The following RELN variants were observed in gnomAD, a reference collection of about 807,000 sequenced individuals.
RELN encodes the protein reelin.
Under a neutral mutation model 427.6 loss-of-function variants are expected in RELN, and 108 were observed. The ratio of observed to expected loss-of-function variants is 0.25; its 90% CI spans 0.22 to 0.30. RELN has a LOEUF of 0.30. RELN is among the 10% of genes least tolerant of loss of function. The pLI is 1.00. For missense variants in RELN, 3,715 were observed against 4,302.8 expected, an observed-to-expected ratio of 0.86 and a Z score of 3.82; for synonymous variants, 1,524 against 1,513.4, an observed-to-expected ratio of 1.01 and a Z score of -0.16.
At chr7:103,755,640 A>G in intron 4 of RELN, among the ~76,000 whole-genome samples, 2 of 146,634 alleles carry the variant, frequency 1.4e-5, no homozygotes, top group East Asian at 4.0e-4. Context: ...AATAAATAAA[A>G]TAAAATAATT....
At chr7:103,888,244 A>AAAT (rs1554437523) in intron 2 of RELN, among the ~76,000 whole-genome samples, 159 of 116,732 alleles carry the variant, frequency 1.4e-3, no homozygotes, top group African/African-American at 3.9e-3. Flanking sequence ...AAGAAAAAAA[A>AAAT]ATATATATAT....
chr7:103,607,691 A>T (rs1468475080), intron 22 of RELN, among the ~76,000 whole-genome samples: 1 of 152,222 alleles, frequency 6.6e-6, no homozygotes, highest in Non-Finnish European at 1.5e-5. Context: ...AACAGTATTG[A>T]ATCATCTCTT....
At chr7:103,665,360 GTGTATA>G (rs143287312) in intron 11 of RELN, among the ~76,000 whole-genome samples, 29,543 of 141,524 alleles carry the variant, frequency 0.21, 2,919 homozygotes, top group Middle Eastern at 0.34. Flanking sequence ...GTGTGTGTGT[GTGTATA>G]TATATATATA....
chr7:103,917,551 CT>C (rs11412775), intron 1 of RELN, among the ~76,000 whole-genome samples: 9,856 of 146,268 alleles, frequency 0.067, 1,022 homozygotes, highest in African/African-American at 0.23. Flanking sequence ...TGATAAAATG[CT>C]TTTTTTTTTT....
chr7:103,627,268 T>A (rs1436973075), intron 20 of RELN, among the ~76,000 whole-genome samples: 4 of 152,124 alleles, frequency 2.6e-5, no homozygotes, highest in Non-Finnish European at 1.5e-5. Context: ...TAAGACAATA[T>A]GCTCCAAAGG....
chr7:103,534,602 C>T (rs1243944626), intron 46 of RELN, among the ~76,000 whole-genome samples: 2 of 152,062 alleles, frequency 1.3e-5, no homozygotes, highest in Non-Finnish European at 2.9e-5. Flanking sequence ...ATCCTCCTGC[C>T]ACAGCCTCCT....
chr7:103,596,435 G>A (rs566057036), intron 25 of RELN, 21 bp downstream of exon 25: 1 of 1,590,782 alleles, frequency 6.3e-7, no homozygotes, highest in South Asian at 1.1e-5. Flanking sequence ...CTAATGCGAG[G>A]ACCATCAGGT....
At chr7:103,778,898 A>G (rs1584486256) in intron 3 of RELN, among the ~76,000 whole-genome samples, 1 of 152,232 alleles carries the variant, frequency 6.6e-6, no homozygotes, top group African/African-American at 2.4e-5. Flanking sequence ...GGGGCTCCAC[A>G]CTACCTATTT....
chr7:103,570,765 C>T (rs1562897728), intron 31 of RELN, among the ~76,000 whole-genome samples: 1 of 152,152 alleles, frequency 6.6e-6, no homozygotes, highest in Non-Finnish European at 1.5e-5. Context: ...ATGAGGACCT[C>T]GGATGACCCA....
intron 24 of RELN, among the ~76,000 whole-genome samples, chr7:103,601,515 C>G (rs1014329321): frequency 6.6e-6 from 1 of 152,012 alleles, no homozygotes; most frequent in Non-Finnish European, 1.5e-5. Flanking sequence ...TGTAGCATAT[C>G]ACTCACACCT....
intron 3 of RELN, 151 bp downstream of exon 3, chr7:103,833,386 G>T: frequency 1.3e-6 from 1 of 798,200 alleles, no homozygotes; most frequent in Non-Finnish European, 2.1e-6. Flanking sequence ...TTTTAAAAAA[G>T]TTTTTACCTT....
chr7:103,497,863 G>C lies in RELN; in HGVS notation c.8907C>G (p.Ile2969Met). 6.2e-7 allele frequency: 1 copy of C among 1,614,162 alleles called. No homozygotes were observed. Among genetic ancestry groups the C allele is most frequent in the South Asian group, 1.1e-5 (1 of 91,088 alleles). The change falls in exon 55 of 65, where the codon ATC (isoleucine) becomes ATG (methionine). Residue 2969 changes from isoleucine (I) to methionine (M), a missense_variant. Physicochemically the swap from Ile to Met is conservative, Grantham distance 10 (BLOSUM62 1). This residue lies in a region of RELN where 1,310 missense variants were observed against 1,643.0 expected (regional missense o/e 0.80). Coordinates refer to ENST00000428762, the MANE Select transcript of RELN (RefSeq NM_005045.4). ...CCAACAGCACGCCTTCCTTCCGGCA[G>C]ATGGGACGATGGCAAGAGGTCATGT... Reference protein sequence around the residue: ...ENNMTSCHRPICRKEGVLLDY... With the variant: ...ENNMTSCHRPMCRKEGVLLDY...
chr7:103,575,990 T>G (rs1830992697), intron 28 of RELN, among the ~76,000 whole-genome samples: 1 of 152,034 alleles, frequency 6.6e-6, no homozygotes, highest in African/African-American at 2.4e-5. Flanking sequence ...AGATTCTCTT[T>G]GGGAGGCCGA....
At chr7:103,779,206 C>T (rs970515484) in intron 3 of RELN, among the ~76,000 whole-genome samples, 4 of 152,132 alleles carry the variant, frequency 2.6e-5, no homozygotes, top group African/African-American at 9.7e-5. Context: ...GCCAATGTTC[C>T]AGGCACCAGC....
At chr7:103,819,456 G>A (rs1186037240) in intron 3 of RELN, among the ~76,000 whole-genome samples, 2 of 151,974 alleles carry the variant, frequency 1.3e-5, no homozygotes, top group Non-Finnish European at 2.9e-5. Flanking sequence ...TACAACCCTT[G>A]GATTAAACAA....
At chr7:103,576,773 G>A (rs1025098080) in intron 28 of RELN, among the ~76,000 whole-genome samples, 1 of 152,072 alleles carries the variant, frequency 6.6e-6, no homozygotes, top group East Asian at 1.9e-4. Context: ...AACTGCCAAA[G>A]AACAAAAGAA....
intron 1 of RELN, among the ~76,000 whole-genome samples, chr7:103,970,136 T>C (rs998631665): frequency 8.6e-5 from 13 of 151,810 alleles, no homozygotes; most frequent in African/African-American, 3.1e-4. Context: ...TTTTTTCTTT[T>C]CTTTTTTTCC....
chr7:103,535,744 A>G (rs1830035420), intron 45 of RELN, among the ~76,000 whole-genome samples: 2 of 152,188 alleles, frequency 1.3e-5, no homozygotes, highest in South Asian at 4.1e-4. Flanking sequence ...ATGTTTGTGA[A>G]TCACATCTTA....
rs913189887 is a variant in RELN at position 103,706,627 on chromosome 7, T to C, written c.806-5621A>G. 2.9e-4 allele frequency among the ~76,000 whole-genome samples: 44 copies of C among 150,198 alleles called. 1 individual carries two copies. The highest frequency in any genetic ancestry group is 1.1e-3 in the African/African-American group (44 of 39,608). On this transcript the variant is annotated intron_variant, in intron 8 of 64. Transcript: ENST00000428762. ...CTCCTGGTGTACAAAACACCCTTTC[T>C]TCTTGTTTCTTTATCTTTTTTTTTT...
Sources: allele counts gnomAD v4.1 joint callset (sites outside exome capture counted in the v4.1 genomes callset), GRCh38; gene constraint gnomAD v4.1.1; regional missense constraint gnomAD v4.1.1; transcripts MANE v1.5; gene names NCBI Gene and HGNC (gene_info 2026-07-23, HGNC 2026-07-21).